Variants in ZFAND3 observed in about 807,000 individuals in gnomAD.
The protein encoded by ZFAND3 is AN1-type zinc finger protein 3.
ZFAND3 carries 10 observed loss-of-function variants against 29.6 expected under a neutral mutation model. The ratio of observed to expected loss-of-function variants is 0.34; its 90% CI spans 0.21 to 0.57. ZFAND3 has a LOEUF of 0.57. ZFAND3 is among the 20% of genes least tolerant of loss of function. ZFAND3 has a pLI of 0.86. For missense variants in ZFAND3, 230 were observed against 304.5 expected (o/e 0.76, Z 1.82); for synonymous variants, 128 against 112.6 (o/e 1.14, Z -0.87).
chr6:38,094,483 C>T (rs956163912), intron 4 of ZFAND3, among the ~76,000 whole-genome samples: 1 of 152,128 alleles, frequency 6.6e-6, no homozygotes, highest in Non-Finnish European at 1.5e-5. Context: ...ACAAAGCTGA[C>T]CAGTGTTTCT....
At chr6:37,908,292 A>G (rs1204191395) in intron 1 of ZFAND3, among the ~76,000 whole-genome samples, 1 of 152,228 alleles carries the variant, frequency 6.6e-6, no homozygotes, top group African/African-American at 2.4e-5. Context: ...CACCAGTGAT[A>G]AAGTGAAAAA....
chr6:38,140,637 G>A (rs913458881), intron 5 of ZFAND3, among the ~76,000 whole-genome samples: 9 of 152,144 alleles, frequency 5.9e-5, no homozygotes, highest in Non-Finnish European at 1.2e-4. Context: ...TTACAGACAT[G>A]AGCCACCATG....
At chr6:37,933,046 A>C (rs79322431) in intron 2 of ZFAND3, among the ~76,000 whole-genome samples, 256 of 152,372 alleles carry the variant, frequency 1.7e-3, no homozygotes, top group Non-Finnish European at 2.8e-3. Flanking sequence ...CAGTATGAAC[A>C]TAAGGAGAGT....
At chr6:38,041,928 C>A (rs1044897847) in intron 2 of ZFAND3, among the ~76,000 whole-genome samples, 12 of 149,170 alleles carry the variant, frequency 8.0e-5, no homozygotes, top group Non-Finnish European at 7.4e-5. Context: ...CCTCTGCCTC[C>A]CAGGTTGAAG....
At chr6:38,133,125 C>T (rs2127492129) in intron 5 of ZFAND3, among the ~76,000 whole-genome samples, 1 of 152,306 alleles carries the variant, frequency 6.6e-6, no homozygotes, top group Non-Finnish European at 1.5e-5. Context: ...TGGTGATCTC[C>T]CCTGAGACAG....
At chr6:38,038,199 T>C (rs1466388361) in intron 2 of ZFAND3, among the ~76,000 whole-genome samples, 1 of 152,210 alleles carries the variant, frequency 6.6e-6, no homozygotes, top group Non-Finnish European at 1.5e-5. Context: ...CATTGAGATA[T>C]TGAATACCCT....
chr6:37,974,634 G>T (rs912634003), intron 2 of ZFAND3, among the ~76,000 whole-genome samples: 6 of 152,064 alleles, frequency 3.9e-5, no homozygotes, highest in Admixed American at 3.9e-4. Flanking sequence ...GGGCTCAAGC[G>T]ATTGTCCCAC....
chr6:38,058,848 A>G (rs1380977703), intron 2 of ZFAND3, among the ~76,000 whole-genome samples: 1 of 152,228 alleles, frequency 6.6e-6, no homozygotes, highest in African/African-American at 2.4e-5. Flanking sequence ...CTGATGATTA[A>G]CATAAATACG....
At chr6:38,063,056 C>CT (rs550591330) in intron 3 of ZFAND3, among the ~76,000 whole-genome samples, 199 of 152,278 alleles carry the variant, frequency 1.3e-3, no homozygotes, top group African/African-American at 4.4e-3. Context: ...AACCATTACA[C>CT]TGCAGCCTTG....
At chr6:37,858,341 G>A (rs776569764) in intron 1 of ZFAND3, among the ~76,000 whole-genome samples, 2 of 152,170 alleles carry the variant, frequency 1.3e-5, no homozygotes, top group Non-Finnish European at 2.9e-5. Flanking sequence ...GTGGTTTGTA[G>A]CAGGTACTAA....
chr6:38,064,745 C>G (rs1405185098), intron 3 of ZFAND3, among the ~76,000 whole-genome samples: 2 of 145,576 alleles, frequency 1.4e-5, no homozygotes, highest in Non-Finnish European at 3.0e-5. Context: ...CGTTTCCTTT[C>G]TCTCTCTTCT....
At chr6:38,053,342 G>A (rs1330786425) in intron 2 of ZFAND3, among the ~76,000 whole-genome samples, 2 of 148,324 alleles carry the variant, frequency 1.3e-5, no homozygotes, top group Non-Finnish European at 3.0e-5. Flanking sequence ...GTTGCTTTGT[G>A]GAGAGTAGAT....
At chr6:38,129,539 G>C (rs1765703422) in intron 5 of ZFAND3, among the ~76,000 whole-genome samples, 1 of 152,118 alleles carries the variant, frequency 6.6e-6, no homozygotes, top group African/African-American at 2.4e-5. Flanking sequence ...TCTCCTACAT[G>C]TGGCTAGCCA....
At chr6:37,963,998 T>A (rs777351143) in intron 2 of ZFAND3, among the ~76,000 whole-genome samples, 1 of 152,240 alleles carries the variant, frequency 6.6e-6, no homozygotes, top group Non-Finnish European at 1.5e-5. Context: ...TGGGCTAGTG[T>A]TCCATATATT....
chr6:38,118,787 A>C (rs1403782212), intron 5 of ZFAND3, among the ~76,000 whole-genome samples: 1 of 151,408 alleles, frequency 6.6e-6, no homozygotes, highest in Non-Finnish European at 1.5e-5. Context: ...ACAGTAATAT[A>C]TGTTAGATGA....
intron 3 of ZFAND3, among the ~76,000 whole-genome samples, chr6:38,072,787 C>T (rs1307077559): frequency 1.3e-5 from 2 of 152,158 alleles, no homozygotes; most frequent in African/African-American, 2.4e-5. Context: ...TGTAACTGTA[C>T]ATTTTGTATT....
chr6:38,108,942 T>C (rs1765260557), intron 4 of ZFAND3, among the ~76,000 whole-genome samples: 1 of 152,186 alleles, frequency 6.6e-6, no homozygotes, highest in South Asian at 2.1e-4. Flanking sequence ...TTCTATATGT[T>C]TGAAATTTTT....
chr6:37,889,797 T>C (rs1765060350), intron 1 of ZFAND3, among the ~76,000 whole-genome samples: 1 of 152,242 alleles, frequency 6.6e-6, no homozygotes, highest in South Asian at 2.1e-4. Context: ...ATTATTGTTA[T>C]TGATAGAATC....
intron 1 of ZFAND3, among the ~76,000 whole-genome samples, chr6:37,823,453 T>C (rs1763703070): frequency 6.6e-6 from 1 of 152,154 alleles, no homozygotes; most frequent in Admixed American, 6.5e-5. Context: ...TGCTGCTCTT[T>C]CGAGTGACTT....
Sources: allele counts gnomAD v4.1 joint callset (sites outside exome capture counted in the v4.1 genomes callset), GRCh38; gene constraint gnomAD v4.1.1; transcripts MANE v1.5; gene names NCBI Gene and HGNC (gene_info 2026-07-23, HGNC 2026-07-21).